The following DENND1B variants were observed in gnomAD, a reference collection of about 807,000 sequenced individuals.
DENND1B encodes the protein DENN domain-containing protein 1B.
A neutral mutation model predicts 90.1 loss-of-function variants in DENND1B; 59 were observed. That is an observed-to-expected ratio of 0.65 (90% CI 0.53 to 0.81). DENND1B has a LOEUF of 0.81. Among genes scored for constraint, DENND1B ranks in the 40% least tolerant of loss-of-function variants. The pLI, the probability that DENND1B is intolerant of heterozygous loss-of-function variation, is 0.00. For synonymous variants in DENND1B, 337 were observed against 324.6 expected, an observed-to-expected ratio of 1.04 and a Z score of -0.41; for missense variants, 862 against 912.6, an observed-to-expected ratio of 0.94 and a Z score of 0.71.
chr1:197,737,683 T>C (rs530881178), intron 2 of DENND1B, among the ~76,000 whole-genome samples: 3 of 152,290 alleles, frequency 2.0e-5, no homozygotes, highest in Middle Eastern at 6.8e-3. Flanking sequence ...AAGAAAAACA[T>C]TCACATAGGT....
At position 197,509,363 on chromosome 1, in the gene DENND1B, T is replaced by A. The variant is rs1450353232; in HGVS notation, c.*1097A>T. 2.0e-5 allele frequency: 3 copies of A among 151,708 alleles called. No homozygotes were observed. The highest frequency in any genetic ancestry group is 7.3e-5 in the African/African-American group (3 of 41,350). 9.4% of individuals were successfully genotyped at this position (151,708 alleles called of 1,614,324 possible). A position where few individuals can be genotyped will look rare whatever the true frequency, so the allele number is the denominator to read the frequency against. ...ATATAGTGTGGTATTCTGAATAGGATCTTGATGTGGAAAATGGATATTAGG... is the reference window on the plus strand; with the variant it reads ...ATATAGTGTGGTATTCTGAATAGGAACTTGATGTGGAAAATGGATATTAGG... On this transcript the variant is annotated 3_prime_UTR_variant, in exon 23 of 23. Coordinates refer to ENST00000620048, the MANE Select transcript of DENND1B (RefSeq NM_001195215.2).
In DENND1B at chr1:197,552,424, G is replaced by T. The variant is rs1671315969; in HGVS notation, c.1240+598C>A. Reference sequence around the variant, plus strand: ...TACAATCGTGCAAAAATATCAGTTTGTAAATTATTAATTGCCTAGATAATT... The same window carrying T: ...TACAATCGTGCAAAAATATCAGTTTTTAAATTATTAATTGCCTAGATAATT... On this transcript the variant is annotated intron_variant, in intron 16 of 22. Transcript: ENST00000620048. 9 of 985,296 alleles carry T rather than the reference G, an allele frequency of 9.1e-6. No homozygotes were observed. In the South Asian group the frequency reaches 3.8e-4, roughly 41 times the overall value. 61.0% of individuals were successfully genotyped at this position (985,296 alleles called of 1,614,324 possible).
intron 2 of DENND1B, chr1:197,735,587 C>T (rs17641524): frequency 0.19 from 310,950 of 1,613,800 alleles, 32,375 homozygotes; most frequent in Middle Eastern, 0.27. Context: ...GGGTATTACT[C>T]GAAAATACAG....
intron 3 of DENND1B, among the ~76,000 whole-genome samples, chr1:197,696,651 C>T (rs1297705551): frequency 6.6e-6 from 1 of 151,396 alleles, no homozygotes; most frequent in Non-Finnish European, 1.5e-5. Flanking sequence ...GGTGAAACAC[C>T]ACTCTTAAAT....
At chr1:197,550,380 AATT>A (rs1373853847) in intron 16 of DENND1B, among the ~76,000 whole-genome samples, 1 of 152,130 alleles carries the variant, frequency 6.6e-6, no homozygotes, top group Non-Finnish European at 1.5e-5. Context: ...ACCTTGAGTA[AATT>A]ATTGAGCTGA....
rs1437393069 is a variant in DENND1B at position 197,775,442 on chromosome 1, C to T, written c.-287G>A. Reference sequence around the variant, plus strand: ...CAAAGCTGAGGCCTCTCAGTTCCTGCGACCGGGGCCGCCCGCTGCGGCTCC... The same window carrying T: ...CAAAGCTGAGGCCTCTCAGTTCCTGTGACCGGGGCCGCCCGCTGCGGCTCC... On this transcript the variant is annotated 5_prime_UTR_variant, in exon 1 of 23. Coordinates refer to ENST00000620048, the MANE Select transcript of DENND1B (RefSeq NM_001195215.2). 3.5e-6 allele frequency: 1 copy of T among 285,526 alleles called. No individual in the cohort carries two copies. The highest frequency in any genetic ancestry group is 6.5e-6 in the Non-Finnish European group (1 of 153,744). The allele number at this position is 285,526 out of a possible 1,614,324, so 17.7% of individuals were successfully genotyped here.
At chr1:197,747,731 C>A (rs1227144862) in intron 2 of DENND1B, among the ~76,000 whole-genome samples, 1 of 152,200 alleles carries the variant, frequency 6.6e-6, no homozygotes, top group Admixed American at 6.5e-5. Context: ...GGCATGCTTA[C>A]TGCACACTAC....
intron 7 of DENND1B, among the ~76,000 whole-genome samples, chr1:197,651,935 GCATGAGCCACCGGGCC>G: frequency 6.6e-6 from 1 of 151,918 alleles, no homozygotes; most frequent in African/African-American, 2.4e-5. Flanking sequence ...GATTACACTA[GCATGAGCCACCGGGCC>G]CAGCCAAATC....
At chr1:197,768,144 A>T (rs1571683489) in intron 2 of DENND1B, among the ~76,000 whole-genome samples, 1 of 149,804 alleles carries the variant, frequency 6.7e-6, no homozygotes, top group African/African-American at 2.5e-5. Context: ...CTGCTCCTCC[A>T]CCTCCTTTTC....
At chr1:197,601,279 G>C (rs1332098637) in intron 13 of DENND1B, among the ~76,000 whole-genome samples, 1 of 151,588 alleles carries the variant, frequency 6.6e-6, no homozygotes, top group Admixed American at 6.6e-5. Context: ...TCTGTTCCAT[G>C]CACAATTCTA....
intron 16 of DENND1B, among the ~76,000 whole-genome samples, chr1:197,551,024 A>G (rs1286408986): frequency 1.3e-5 from 2 of 151,852 alleles, no homozygotes; most frequent in East Asian, 1.9e-4. Context: ...TCTTTCTCAC[A>G]AGGGTAATGT....
chr1:197,544,900 A>G (rs921045483), intron 18 of DENND1B, among the ~76,000 whole-genome samples: 42 of 11,760 alleles, frequency 3.6e-3, no homozygotes, highest in Non-Finnish European at 4.2e-3. Context: ...AAGAAGAAGA[A>G]GAAAGAAGAA....
chr1:197,748,115 T>G (rs1448249319), intron 2 of DENND1B, among the ~76,000 whole-genome samples: 1 of 152,124 alleles, frequency 6.6e-6, no homozygotes, highest in Non-Finnish European at 1.5e-5. Context: ...AAGATCTAAT[T>G]GGTCCATCAA....
intron 10 of DENND1B, among the ~76,000 whole-genome samples, chr1:197,626,836 T>A (rs958410404): frequency 1.3e-5 from 2 of 151,832 alleles, no homozygotes; most frequent in African/African-American, 4.8e-5. Context: ...AAAAAAATGA[T>A]AAAGAGGATA....
At chr1:197,762,212 T>C (rs1655144742) in intron 2 of DENND1B, among the ~76,000 whole-genome samples, 1 of 151,620 alleles carries the variant, frequency 6.6e-6, no homozygotes, top group African/African-American at 2.4e-5. Context: ...AATAAAGACC[T>C]AGCTCAAGAT....
chr1:197,679,818 T>G (rs1483436187), intron 3 of DENND1B, among the ~76,000 whole-genome samples: 1 of 149,794 alleles, frequency 6.7e-6, no homozygotes. Context: ...GTTTTTTTTT[T>G]TTTTTTTTTT....
chr1:197,574,147 A>T (rs1467130221), intron 15 of DENND1B, among the ~76,000 whole-genome samples: 4 of 152,210 alleles, frequency 2.6e-5, no homozygotes, highest in Non-Finnish European at 5.9e-5. Flanking sequence ...GAGGAAGTCA[A>T]ATTGTCCCTA....
chr1:197,546,192 C>A (rs1156653949), intron 17 of DENND1B, among the ~76,000 whole-genome samples: 1 of 152,134 alleles, frequency 6.6e-6, no homozygotes, highest in Non-Finnish European at 1.5e-5. Flanking sequence ...ACACTTTCCA[C>A]CTTGTTCTTT....
At chr1:197,781,386 A>G in the DENND1B span, among the ~76,000 whole-genome samples, 1 of 152,200 alleles carries the variant, frequency 6.6e-6, no homozygotes, top group Non-Finnish European at 1.5e-5. Flanking sequence ...TACCACCTTC[A>G]TTTATTATAG....
Sources: allele counts gnomAD v4.1 joint callset (sites outside exome capture counted in the v4.1 genomes callset), GRCh38; gene constraint gnomAD v4.1.1; transcripts MANE v1.5; gene names NCBI Gene and HGNC (gene_info 2026-07-23, HGNC 2026-07-21).